GALNT7: variants seen among roughly 807,000 people sequenced by gnomAD.
GALNT7 encodes polypeptide N-acetylgalactosaminyltransferase 7, also known as N-acetylgalactosaminyltransferase 7.
In GALNT7, 60 loss-of-function variants were observed where a neutral mutation model predicts 82.1. That is an observed-to-expected ratio of 0.73 (90% CI 0.59 to 0.91). GALNT7 has a LOEUF of 0.91. Ranked by LOEUF, GALNT7 falls within the 40% of genes least tolerant of loss-of-function variation. GALNT7 has a pLI of 0.00. For synonymous variants in GALNT7, 243 were observed against 275.1 expected (o/e 0.88, Z 1.15); for missense variants, 660 against 804.2 (o/e 0.82, Z 2.17).
At position 173,320,304 on chromosome 4, in the gene GALNT7, A is replaced by G. The variant is rs1243148310; in HGVS notation, c.1837-1276A>G. Among the ~76,000 whole-genome samples the G allele has an allele frequency of 6.6e-6, 1 of 152,116 alleles. No homozygotes were observed. The highest frequency in any genetic ancestry group is 1.5e-5 in the Non-Finnish European group (1 of 68,006). ...ATAGGTTATCACTAGCAATATTTCC[A>G]GAACTGGAAAGTGTCTGAGAAATTT... On this transcript the variant is annotated intron_variant, in intron 11 of 11. Coordinates refer to ENST00000265000, the MANE Select transcript of GALNT7 (RefSeq NM_017423.3). The surrounding 1 kb of genome is among the most constrained non-coding windows in gnomAD (Gnocchi z 4.1).
chr4:173,289,316 G>A (rs1736454841), intron 2 of GALNT7, among the ~76,000 whole-genome samples: 1 of 152,178 alleles, frequency 6.6e-6, no homozygotes, highest in South Asian at 2.1e-4. Flanking sequence ...CCATAATGTA[G>A]CAGTTTCTTG....
intron 1 of GALNT7, among the ~76,000 whole-genome samples, chr4:173,227,590 C>G (rs35796775): frequency 0.16 from 24,202 of 152,170 alleles, 2,034 homozygotes; most frequent in Non-Finnish European, 0.18. Flanking sequence ...TTCGGCCTCC[C>G]AAAGTGTTGG....
rs116946715 is a variant in GALNT7, at chr4:173,302,921, G to A, written c.1266+757G>A. Among the ~76,000 whole-genome samples the A allele has an allele frequency of 2.3e-3, 354 of 152,284 alleles. 9 individuals are homozygous for A. In the East Asian group the frequency reaches 0.051, roughly 22 times the overall value. On this transcript the variant is annotated intron_variant, in intron 7 of 11. Transcript: ENST00000265000. This position sits in a 1 kb window ranked among gnomAD's most constrained non-coding sequence, Gnocchi z 4.2. ...CAGTTGGTGTGCTTAAAAAACCGTC[G>A]GCCAGGCGCTCATGCCTATAAACCC...
At chr4:173,305,162 G>A (rs1275058859) in intron 8 of GALNT7, among the ~76,000 whole-genome samples, 2 of 152,044 alleles carry the variant, frequency 1.3e-5, no homozygotes, top group African/African-American at 4.8e-5. Context: ...GTATCTTGTG[G>A]TTTAATTTGC....
intron 1 of GALNT7, among the ~76,000 whole-genome samples, chr4:173,243,910 C>G (rs917583247): frequency 6.6e-6 from 1 of 152,066 alleles, no homozygotes; most frequent in Admixed American, 6.6e-5. Context: ...GTCTATCTTA[C>G]CACCAAAGCA....
chr4:173,285,116 T>G (rs940552112), intron 2 of GALNT7, among the ~76,000 whole-genome samples: 27 of 152,250 alleles, frequency 1.8e-4, no homozygotes, highest in African/African-American at 6.0e-4. Context: ...ACCTTCTGCT[T>G]TATTTTATCT....
At chr4:173,194,228 TGTC>T (rs1323978464) in intron 1 of GALNT7, among the ~76,000 whole-genome samples, 1 of 152,220 alleles carries the variant, frequency 6.6e-6, no homozygotes, top group African/African-American at 2.4e-5. Context: ...GGGTTCTTAT[TGTC>T]AGATTTAATA....
chr4:173,169,726 C>T (rs1466768744), intron 1 of GALNT7: 1 of 152,026 alleles, frequency 6.6e-6, no homozygotes, highest in Non-Finnish European at 1.5e-5. Context: ...TGCCCGCCGC[C>T]CCCAGCCCTC....
In GALNT7 at chr4:173,200,917, C is replaced by T. The variant is rs1579905453; in HGVS notation, c.126+31956C>T. Among the ~76,000 whole-genome samples the T allele has an allele frequency of 2.0e-5, 3 of 152,210 alleles. No individual in the cohort carries two copies. The South Asian group carries it at 6.2e-4, about 32-fold the overall frequency. The stretch of plus-strand genomic sequence containing the variant: ...AAGTTTAAAATAGAGAGATTTATCA[C>T]TGAAAAGATTAAGAGAAAAGAAAGA... On this transcript the variant is annotated intron_variant, in intron 1 of 11. Coordinates refer to ENST00000265000, the MANE Select transcript of GALNT7 (RefSeq NM_017423.3).
At chr4:173,187,383 GA>G (rs200424472) in intron 1 of GALNT7, among the ~76,000 whole-genome samples, 2,887 of 100,920 alleles carry the variant, frequency 0.029, 76 homozygotes, top group Admixed American at 0.096. Flanking sequence ...GAGGACATTA[GA>G]AAAAAAAAAA....
At chr4:173,299,052 G>A (rs1736820257) in intron 6 of GALNT7, among the ~76,000 whole-genome samples, 1 of 152,180 alleles carries the variant, frequency 6.6e-6, no homozygotes, top group South Asian at 2.1e-4. Context: ...TCAAGTGTTA[G>A]TATAGCCTTC....
At chr4:173,239,713 A>T (rs901585232) in intron 1 of GALNT7, among the ~76,000 whole-genome samples, 18 of 152,218 alleles carry the variant, frequency 1.2e-4, no homozygotes, top group Non-Finnish European at 2.4e-4. Context: ...TTACAGTGTT[A>T]ACACAAAGAA....
intron 1 of GALNT7, chr4:173,169,708 G>C (rs1353755684): frequency 6.6e-6 from 1 of 151,818 alleles, no homozygotes; most frequent in Non-Finnish European, 1.5e-5. Context: ...GGGCGTCCCC[G>C]CCCCGCCTGC....
chr4:173,211,743 A>G (rs1733291671), intron 1 of GALNT7, among the ~76,000 whole-genome samples: 1 of 152,112 alleles, frequency 6.6e-6, no homozygotes, highest in Non-Finnish European at 1.5e-5. Context: ...TGTAGATTTT[A>G]TATGCATTTC....
At chr4:173,177,732 C>T (rs2126622378) in intron 1 of GALNT7, among the ~76,000 whole-genome samples, 1 of 152,230 alleles carries the variant, frequency 6.6e-6, no homozygotes, top group East Asian at 1.9e-4. Flanking sequence ...GGAAGCATTA[C>T]CTGCCTGCTA....
rs559673994 is a variant in GALNT7 at position 173,265,284 on chromosome 4, G to A, written c.587+16844G>A. 2.8e-3 allele frequency among the ~76,000 whole-genome samples: 426 copies of A among 152,230 alleles called. 1 individual carries two copies. The highest frequency in any genetic ancestry group is 9.6e-3 in the African/African-American group (398 of 41,546). On this transcript the variant is annotated intron_variant, in intron 2 of 11. Coordinates refer to ENST00000265000, the MANE Select transcript of GALNT7 (RefSeq NM_017423.3). ...TAGCCTTTGTTTGTGCCAGCTCCAG[G>A]GGTGGAGGAAACCCATTTTGCCTGA...
intron 1 of GALNT7, among the ~76,000 whole-genome samples, chr4:173,174,964 A>T (rs1561140992): frequency 6.6e-6 from 1 of 152,232 alleles, no homozygotes; most frequent in Non-Finnish European, 1.5e-5. Context: ...ACAATAGTAA[A>T]TTGGAGAAAG....
intron 1 of GALNT7, among the ~76,000 whole-genome samples, chr4:173,203,715 A>T (rs1050337194): frequency 6.6e-6 from 1 of 152,154 alleles, no homozygotes; most frequent in African/African-American, 2.4e-5. Context: ...AACAACTCAG[A>T]TTGCATTAAA....
chr4:173,225,002 G>A (rs1367814632), intron 1 of GALNT7, among the ~76,000 whole-genome samples: 5 of 144,164 alleles, frequency 3.5e-5, no homozygotes, highest in East Asian at 2.0e-4. Flanking sequence ...ACGACAGAGC[G>A]AGACTCTGTC....
Sources: gnomAD v4.1 joint callset for allele counts (sites outside exome capture counted in the v4.1 genomes callset) on GRCh38, gnomAD v4.1.1 for gene constraint, Gnocchi (gnomAD v3.1) non-coding constraint, MANE v1.5 for transcripts, NCBI Gene and HGNC (gene_info 2026-07-23, HGNC 2026-07-21) for gene names.